TSHZ2: variants seen among roughly 807,000 people sequenced by gnomAD.
The protein encoded by TSHZ2 is teashirt homolog 2.
Under a neutral mutation model 74.4 loss-of-function variants are expected in TSHZ2, and 21 were observed. That is an observed-to-expected ratio of 0.28 (90% CI 0.20 to 0.41). TSHZ2 has a LOEUF of 0.41. TSHZ2 is among the 10% of genes least tolerant of loss of function. The probability of loss-of-function intolerance (pLI) is 1.00; values close to 1 mark genes in which losing one functional copy is unlikely to be tolerated. For synonymous variants in TSHZ2, 540 were observed against 515.3 expected (o/e 1.05, Z -0.65); for missense variants, 1,244 against 1,293.5 (o/e 0.96, Z 0.59).
In TSHZ2 at chr20:53,167,428, A is replaced by G. The variant is rs564285888; in HGVS notation, c.41-86071A>G. ...TAATAACTTTCCTAAAATCACAGGT[A>G]GGAAGCAGGGAAGTCAGGCTTCAAA... On this transcript the variant is annotated intron_variant, in intron 1 of 2. Coordinates refer to ENST00000371497, the MANE Select transcript of TSHZ2 (RefSeq NM_173485.6). Among the ~76,000 whole-genome samples, 14 of 152,360 alleles carry G rather than the reference A, an allele frequency of 9.2e-5. 1 individual carries two copies. In the South Asian group the frequency reaches 2.5e-3, roughly 27 times the overall value.
Position 53,033,642 on chromosome 20 carries a change from G to C in TSHZ2, c.40+60309G>C, listed in dbSNP as rs889352972. Among the ~76,000 whole-genome samples the C allele has an allele frequency of 1.7e-3, 202 of 121,558 alleles. No individual in the cohort carries two copies. In the Middle Eastern group the frequency reaches 0.019, roughly 11 times the overall value. 79.7% of individuals were successfully genotyped at this position (121,558 alleles called of 152,430 possible). On this transcript the variant is annotated intron_variant, in intron 1 of 2. Coordinates refer to ENST00000371497, the MANE Select transcript of TSHZ2 (RefSeq NM_173485.6). ...GTTTTAGTCGCCCTCTGCATTGATT[G>C]ATAAAAAGCTTTTTTTTTTTTTTTT... is the stretch of plus-strand genomic sequence containing the variant.
intron 1 of TSHZ2, among the ~76,000 whole-genome samples, chr20:53,152,877 T>C (rs1987706922): frequency 6.6e-6 from 1 of 152,214 alleles, no homozygotes; most frequent in Non-Finnish European, 1.5e-5. Flanking sequence ...CATGGTGTGA[T>C]GCTACCAGGG....
intron 1 of TSHZ2, among the ~76,000 whole-genome samples, chr20:53,252,820 T>C (rs16997816): frequency 0.011 from 1,748 of 152,284 alleles, 35 homozygotes; most frequent in African/African-American, 0.039. Context: ...TCTAGCACCA[T>C]TTGCGATTAT....
At chr20:53,296,299 C>A (rs1051368673) in intron 2 of TSHZ2, among the ~76,000 whole-genome samples, 1 of 152,142 alleles carries the variant, frequency 6.6e-6, no homozygotes, top group African/African-American at 2.4e-5. Flanking sequence ...AGGAAAAGAC[C>A]AGATGTCAGT....
At chr20:53,296,072 C>T (rs1051402068) in intron 2 of TSHZ2, among the ~76,000 whole-genome samples, 5 of 149,076 alleles carry the variant, frequency 3.4e-5, no homozygotes, top group Non-Finnish European at 7.4e-5. Flanking sequence ...CAGTTTGATG[C>T]ATATTATTCT....
chr20:53,198,638 TG>T (rs1164082570), intron 1 of TSHZ2, among the ~76,000 whole-genome samples: 1 of 152,190 alleles, frequency 6.6e-6, no homozygotes, highest in Non-Finnish European at 1.5e-5. Context: ...ATTTCAAAAC[TG>T]CAAAGCATAT....
At chr20:53,316,800 A>C (rs986079052) in intron 2 of TSHZ2, among the ~76,000 whole-genome samples, 5 of 152,180 alleles carry the variant, frequency 3.3e-5, no homozygotes, top group African/African-American at 1.2e-4. Flanking sequence ...ACTATTTACT[A>C]TCTGGCACTT....
chr20:53,144,374 C>T (rs962687130), intron 1 of TSHZ2, among the ~76,000 whole-genome samples: 2 of 152,156 alleles, frequency 1.3e-5, no homozygotes, highest in African/African-American at 4.8e-5. Context: ...AAAGTTGGTT[C>T]AGCCTATGCC....
intron 2 of TSHZ2, among the ~76,000 whole-genome samples, chr20:53,305,050 C>G (rs1978470177): frequency 2.0e-5 from 3 of 152,096 alleles, no homozygotes; most frequent in Admixed American, 1.3e-4. Flanking sequence ...ATTCTCCTGC[C>G]TCAGCCTCCC....
intron 1 of TSHZ2, among the ~76,000 whole-genome samples, chr20:53,201,591 C>T (rs1456117195): frequency 2.0e-5 from 3 of 152,204 alleles, no homozygotes; most frequent in Non-Finnish European, 2.9e-5. Context: ...AAGTCCCTTT[C>T]GTCACATAAA....
chr20:53,259,462 A>G (rs1299626983), intron 2 of TSHZ2, among the ~76,000 whole-genome samples: 1 of 152,278 alleles, frequency 6.6e-6, no homozygotes, highest in African/African-American at 2.4e-5. Context: ...GTATTTGTAT[A>G]TAGCTTTAAA....
intron 1 of TSHZ2, among the ~76,000 whole-genome samples, chr20:53,248,073 CTGT>C (rs1228202150): frequency 6.6e-6 from 1 of 152,090 alleles, no homozygotes; most frequent in African/African-American, 2.4e-5. Context: ...TTTCCTCCTT[CTGT>C]TGTTGTTTTT....
intron 2 of TSHZ2, among the ~76,000 whole-genome samples, chr20:53,471,501 G>A (rs1344202711): frequency 1.1e-4 from 17 of 152,162 alleles, no homozygotes; most frequent in Admixed American, 1.1e-3. Context: ...ACTGCAAAAG[G>A]TTCATGCAAG....
At chr20:53,142,898 GGCCAAAAATA>G (rs1352701857) in intron 1 of TSHZ2, among the ~76,000 whole-genome samples, 1 of 151,984 alleles carries the variant, frequency 6.6e-6, no homozygotes, top group Non-Finnish European at 1.5e-5. Context: ...TGAGCACTTG[GGCCAAAAATA>G]GCGTGTTTTT....
chr20:53,423,852 G>A (rs1281080667), intron 2 of TSHZ2, among the ~76,000 whole-genome samples: 3 of 152,180 alleles, frequency 2.0e-5, no homozygotes, highest in African/African-American at 7.2e-5. Flanking sequence ...AAGCAGGTGA[G>A]TTTCGGGGGA....
At chr20:53,117,090 T>C (rs951159248) in intron 1 of TSHZ2, among the ~76,000 whole-genome samples, 5 of 152,142 alleles carry the variant, frequency 3.3e-5, no homozygotes, top group Non-Finnish European at 5.9e-5. Context: ...CCTCTTCTTA[T>C]AAGGACATGA....
intron 1 of TSHZ2, among the ~76,000 whole-genome samples, chr20:53,169,048 G>A (rs975255578): frequency 2.0e-5 from 3 of 152,140 alleles, no homozygotes; most frequent in South Asian, 2.1e-4. Flanking sequence ...GACTCCTCAC[G>A]TCCTGCCCAT....
chr20:53,370,456 C>A (rs530895751), intron 2 of TSHZ2, among the ~76,000 whole-genome samples: 1 of 152,218 alleles, frequency 6.6e-6, no homozygotes, highest in African/African-American at 2.4e-5. Context: ...TATTAGCAAC[C>A]GCTTTAATTA....
intron 1 of TSHZ2, among the ~76,000 whole-genome samples, chr20:53,128,037 A>G (rs1198242211): frequency 1.3e-5 from 2 of 152,132 alleles, no homozygotes; most frequent in Non-Finnish European, 2.9e-5. Flanking sequence ...TTGGCTGGTC[A>G]CTTGGCTTTA....
Sources: gnomAD v4.1 joint callset for allele counts (sites outside exome capture counted in the v4.1 genomes callset) on GRCh38, gnomAD v4.1.1 for gene constraint, MANE v1.5 for transcripts, NCBI Gene and HGNC (gene_info 2026-07-23, HGNC 2026-07-21) for gene names.